LAMA4: variants seen among roughly 807,000 people sequenced by gnomAD.
LAMA4 encodes laminin subunit alpha-4.
LAMA4 carries 127 observed loss-of-function variants against 207.1 expected under a neutral mutation model. The ratio of observed to expected loss-of-function variants is 0.61; its 90% CI spans 0.53 to 0.71. LAMA4 has a LOEUF of 0.71. Ranked by LOEUF, LAMA4 falls within the 30% of genes least tolerant of loss-of-function variation. LAMA4 has a pLI of 0.00. For missense variants in LAMA4, 2,093 were observed against 2,246.5 expected, an observed-to-expected ratio of 0.93 and a Z score of 1.38; for synonymous variants, 761 against 816.0, an observed-to-expected ratio of 0.93 and a Z score of 1.15.
intron 2 of LAMA4, among the ~76,000 whole-genome samples, chr6:112,245,051 G>A (rs1441662109): frequency 1.3e-5 from 2 of 152,148 alleles, no homozygotes; most frequent in East Asian, 3.9e-4. Flanking sequence ...TCTCCAAATA[G>A]CAGGCATTTA....
At chr6:112,145,944 T>C (rs1227108912) in intron 18 of LAMA4, among the ~76,000 whole-genome samples, 3 of 152,124 alleles carry the variant, frequency 2.0e-5, no homozygotes, top group Admixed American at 2.0e-4. Flanking sequence ...GTTTTCCACC[T>C]TTTTTCCTTT....
chr6:112,134,447 T>C lies in LAMA4; in HGVS notation c.3557+20A>G, dbSNP rs782608065. The C allele has an allele frequency of 5.0e-6, 8 of 1,612,818 alleles. No homozygotes were observed. Among genetic ancestry groups the C allele is most frequent in the Non-Finnish European group, 6.8e-6 (8 of 1,179,112 alleles). Reference sequence around the variant, plus strand: ...CAGTACATTGCTAGGAACAAACAGCTACTTAACAAAAAGCCTTACCTGGAT... The same window carrying C: ...CAGTACATTGCTAGGAACAAACAGCCACTTAACAAAAAGCCTTACCTGGAT... On this transcript the variant is annotated intron_variant, in intron 26 of 38. Coordinates refer to ENST00000230538, the MANE Select transcript of LAMA4 (RefSeq NM_001105206.3).
chr6:112,124,940 A>G (rs1778599085), intron 31 of LAMA4, among the ~76,000 whole-genome samples: 1 of 152,040 alleles, frequency 6.6e-6, no homozygotes, highest in Non-Finnish European at 1.5e-5. Context: ...TATTTTTAGT[A>G]GAGACGGGGT....
At position 112,165,250 on chromosome 6, in the gene LAMA4, T is replaced by C; in HGVS notation, c.1578A>G (p.Gln526=). The change falls in exon 13 of 39, where the codon CAA becomes CAG. Residue 526 remains glutamine, a synonymous_variant. Transcript: ENST00000230538. The part of the protein sequence containing the change: ...HEKQQERVRE[Q]MEVVNMSLST... Reference sequence around the variant, plus strand: ...TCAGAGACATGTTCACCACTTCCATTTGTTCCCTCACTCTTTCCTGTTGTT... The same window carrying C: ...TCAGAGACATGTTCACCACTTCCATCTGTTCCCTCACTCTTTCCTGTTGTT... The C allele has an allele frequency of 6.2e-7, 1 of 1,612,890 alleles. No homozygotes were observed. The highest frequency in any genetic ancestry group is 2.2e-5 in the East Asian group (1 of 44,870).
rs1779745618 is a variant in LAMA4, at chr6:112,142,297, A to T, written c.2494-5T>A. 6.2e-7 allele frequency: 1 copy of T among 1,613,976 alleles called. No homozygotes were observed. Among genetic ancestry groups the T allele is most frequent in the Admixed American group, 1.7e-5 (1 of 60,014 alleles). On this transcript the variant is annotated splice_region_variant and splice_polypyrimidine_tract_variant and intron_variant, in intron 19 of 38. Coordinates refer to ENST00000230538, the MANE Select transcript of LAMA4 (RefSeq NM_001105206.3). ...AAACATCATGGAGACTTGGATCTGG[A>T]GTGACACAACGGTTTCATTAAAAGT...
chr6:112,201,755 A>G, intron 4 of LAMA4, 67 bp from the exon 5 acceptor site: 1 of 1,296,800 alleles, frequency 7.7e-7, no homozygotes, highest in Non-Finnish European at 1.1e-6. Context: ...TTAACTTTTT[A>G]TCAGATTACC....
rs1464148141 is a variant in LAMA4, at chr6:112,253,698, G to A, written c.195+258C>T. The A allele has an allele frequency of 1.9e-5, 30 of 1,568,828 alleles. No individual in the cohort carries two copies. The Admixed American group carries it at 3.3e-4, about 17-fold the overall frequency. On this transcript the variant is annotated intron_variant, in intron 2 of 38. Transcript: ENST00000230538. ...AGTCCCCGGTGAGAGTCTAGCGGATGAACTCAGAGCACCAACACATGCACT... is the reference window on the plus strand; with the variant it reads ...AGTCCCCGGTGAGAGTCTAGCGGATAAACTCAGAGCACCAACACATGCACT...
At position 112,172,782 on chromosome 6, in the gene LAMA4, C is replaced by T. The variant is rs1554342391; in HGVS notation, c.1380G>A (p.Trp460Ter). 5 of 1,613,940 alleles carry T rather than the reference C, an allele frequency of 3.1e-6. No homozygotes were observed. The Admixed American group carries it at 6.7e-5, about 22-fold the overall frequency. Residue 460 changes from tryptophan (W) to a stop codon, truncating the protein, a stop_gained, in exon 12 of 39, where the codon TGG becomes TGA. Coordinates refer to ENST00000230538, the MANE Select transcript of LAMA4 (RefSeq NM_001105206.3). LOFTEE classifies it high-confidence loss of function. ...TGCGGGTCTCATTGTGCAGCCGCTG[C>T]CAGCTCTCAGCCTGGCTCAGTACTG... is the stretch of plus-strand genomic sequence containing the variant. ...AYELLSQAES[W>*]QRLHNETRTL...
rs566644357 is a variant in LAMA4, at chr6:112,158,520, A to G, written c.1817+212T>C. On this transcript the variant is annotated intron_variant, in intron 14 of 38. Coordinates refer to ENST00000230538, the MANE Select transcript of LAMA4 (RefSeq NM_001105206.3). ...CTCCCCCAAACAATTGCAATGAACA[A>G]TGATGGACTCTCAGATGGAACAACC... Among the ~76,000 whole-genome samples, 7 of 151,892 alleles carry G rather than the reference A, an allele frequency of 4.6e-5. No individual in the cohort carries two copies. The South Asian group carries it at 1.5e-3, about 32-fold the overall frequency.
chr6:112,243,129 C>T (rs1423131449), intron 2 of LAMA4, among the ~76,000 whole-genome samples: 1 of 152,128 alleles, frequency 6.6e-6, no homozygotes, highest in African/African-American at 2.4e-5. Context: ...GACCCATGAA[C>T]ATTCATTGAC....
At chr6:112,137,806 G>T (rs1779443725) in intron 24 of LAMA4, among the ~76,000 whole-genome samples, 1 of 152,080 alleles carries the variant, frequency 6.6e-6, no homozygotes, top group Non-Finnish European at 1.5e-5. Context: ...ATTTTTCTTT[G>T]TAACATGAAT....
intron 13 of LAMA4, among the ~76,000 whole-genome samples, chr6:112,159,712 C>T (rs1342333675): frequency 6.6e-6 from 1 of 152,214 alleles, no homozygotes; most frequent in African/African-American, 2.4e-5. Context: ...GTGGGGGACA[C>T]TTCTTCCACA....
At chr6:112,232,766 C>A (rs1785646817) in intron 2 of LAMA4, among the ~76,000 whole-genome samples, 1 of 152,128 alleles carries the variant, frequency 6.6e-6, no homozygotes. Flanking sequence ...CTAGTATTCA[C>A]ACTGCCATTT....
intron 2 of LAMA4, among the ~76,000 whole-genome samples, chr6:112,229,176 C>T (rs1785403327): frequency 6.6e-6 from 1 of 152,268 alleles, no homozygotes; most frequent in African/African-American, 2.4e-5. Flanking sequence ...ACCAGAAATC[C>T]CTGTGGCTCA....
At chr6:112,225,953 G>A (rs1785185120) in intron 2 of LAMA4, among the ~76,000 whole-genome samples, 1 of 152,132 alleles carries the variant, frequency 6.6e-6, no homozygotes, top group Non-Finnish European at 1.5e-5. Context: ...TACACATAAT[G>A]CATGCCCTTG....
intron 28 of LAMA4, among the ~76,000 whole-genome samples, chr6:112,131,970 T>A (rs1185127379): frequency 6.6e-6 from 1 of 152,164 alleles, no homozygotes; most frequent in African/African-American, 2.4e-5. Context: ...CGTATCTTTA[T>A]AAGCTGAGCT....
At chr6:112,200,969 C>A (rs1188142352) in intron 5 of LAMA4, among the ~76,000 whole-genome samples, 1 of 150,696 alleles carries the variant, frequency 6.6e-6, no homozygotes, top group African/African-American at 2.4e-5. Flanking sequence ...CACCATGGCA[C>A]GTGTATACCT....
intron 2 of LAMA4, among the ~76,000 whole-genome samples, chr6:112,253,205 G>A (rs192363998): frequency 6.6e-6 from 1 of 152,258 alleles, no homozygotes; most frequent in African/African-American, 2.4e-5. Flanking sequence ...CAATGGGCAT[G>A]CTGTTGTCTG....
In LAMA4 at chr6:112,132,832, GAT is replaced by G; in HGVS notation, c.3753_3754del (p.Ser1252PhefsTer3). ...ACCTCCTTCAAAGCCATCAAAGAAA[GAT>G]ATTTTCTGAATTGAAGCAATGAAGC... is the stretch of plus-strand genomic sequence containing the variant. On this transcript the variant is annotated frameshift_variant, in exon 28 of 39. Transcript: ENST00000230538. LOFTEE classifies it high-confidence loss of function. 1 of 1,612,416 alleles carries G rather than the reference GAT, an allele frequency of 6.2e-7. No homozygotes were observed. The highest frequency in any genetic ancestry group is 8.5e-7 in the Non-Finnish European group (1 of 1,178,632).
Sources: allele counts gnomAD v4.1 joint callset (sites outside exome capture counted in the v4.1 genomes callset), GRCh38; gene constraint gnomAD v4.1.1; transcripts MANE v1.5; gene names NCBI Gene and HGNC (gene_info 2026-07-23, HGNC 2026-07-21).